Variants in CNTNAP2 observed in about 807,000 individuals in gnomAD.
The protein encoded by CNTNAP2 is contactin-associated protein-like 2.
In CNTNAP2, 98 loss-of-function variants were observed where a neutral mutation model predicts 155.2. The observed-to-expected ratio is 0.63, with a 90% CI of 0.54 to 0.75. The LOEUF is 0.75. Among genes scored for constraint, CNTNAP2 ranks in the 30% least tolerant of loss-of-function variants. The pLI is 0.00. For synonymous variants in CNTNAP2, 651 were observed against 631.2 expected (o/e 1.03, Z -0.47); for missense variants, 1,727 against 1,688.1 (o/e 1.02, Z -0.40).
At chr7:147,542,218 T>C (rs3843535) in intron 11 of CNTNAP2, among the ~76,000 whole-genome samples, 74,044 of 151,408 alleles carry the variant, frequency 0.49, 18,203 homozygotes, top group East Asian at 0.61. Context: ...ACCACACACT[T>C]CACCATTTAA....
chr7:147,453,836 T>C (rs972582172), intron 10 of CNTNAP2, among the ~76,000 whole-genome samples: 3 of 152,172 alleles, frequency 2.0e-5, no homozygotes, highest in Admixed American at 2.0e-4. Context: ...TTTTAAATGA[T>C]AAGTGGAAAT....
Position 147,418,097 on chromosome 7 carries a change from T to A in CNTNAP2, c.1670+22317T>A, listed in dbSNP as rs148578291. On this transcript the variant is annotated intron_variant, in intron 10 of 23. Transcript: ENST00000361727. ...AACAATTATATGCCAATACCCACTG[T>A]TTTACAAAGCGATGGAAAGCATAGT... Among the ~76,000 whole-genome samples the A allele has an allele frequency of 4.3e-4, 66 of 152,312 alleles. 1 individual carries two copies. The highest frequency in any genetic ancestry group is 1.3e-3 in the African/African-American group (56 of 41,568).
intron 4 of CNTNAP2, among the ~76,000 whole-genome samples, chr7:147,059,021 G>A (rs1481530160): frequency 2.0e-5 from 3 of 152,062 alleles, no homozygotes; most frequent in Non-Finnish European, 4.4e-5. Context: ...CCACTCCTTG[G>A]TGATGTGCTT....
chr7:147,901,632 T>C (rs555886307), intron 13 of CNTNAP2, among the ~76,000 whole-genome samples: 23 of 152,352 alleles, frequency 1.5e-4, no homozygotes, highest in African/African-American at 5.1e-4. Context: ...ACCTCTCTTA[T>C]GTCCTTATTG....
At chr7:146,205,216 A>G (rs928607971) in intron 1 of CNTNAP2, among the ~76,000 whole-genome samples, 1 of 151,950 alleles carries the variant, frequency 6.6e-6, no homozygotes, top group Non-Finnish European at 1.5e-5. Context: ...TTATTGTTTA[A>G]TTAAACAGAG....
rs1211083171 is a variant in CNTNAP2, at chr7:147,814,899, A to T, written c.2099-88666A>T. Reference sequence around the variant, plus strand: ...GGTAACAGCAAAGCAAAATAATTAGAACATTTTTGTTAATAATATACCTAG... The same window carrying T: ...GGTAACAGCAAAGCAAAATAATTAGTACATTTTTGTTAATAATATACCTAG... On this transcript the variant is annotated intron_variant, in intron 13 of 23. Transcript: ENST00000361727. Among the ~76,000 whole-genome samples, 3 of 152,236 alleles carry T rather than the reference A, an allele frequency of 2.0e-5. No homozygotes were observed. The East Asian group carries it at 5.8e-4, about 29-fold the overall frequency.
chr7:147,882,466 C>G (rs903130394), intron 13 of CNTNAP2, among the ~76,000 whole-genome samples: 3 of 152,162 alleles, frequency 2.0e-5, no homozygotes, highest in African/African-American at 7.2e-5. Flanking sequence ...TGCTCAGCCC[C>G]CTGCCTCTGT....
At chr7:147,797,705 C>A (rs764115460) in intron 13 of CNTNAP2, among the ~76,000 whole-genome samples, 1 of 152,096 alleles carries the variant, frequency 6.6e-6, no homozygotes, top group African/African-American at 2.4e-5. Context: ...ATTTTTAATG[C>A]ATATCCATTC....
chr7:146,433,841 T>C (rs1282866869), intron 1 of CNTNAP2, among the ~76,000 whole-genome samples: 2 of 152,160 alleles, frequency 1.3e-5, no homozygotes, highest in African/African-American at 4.8e-5. Context: ...TACACAAATG[T>C]AATCATTTTA....
chr7:146,405,655 T>C (rs1795780656), intron 1 of CNTNAP2, among the ~76,000 whole-genome samples: 2 of 152,216 alleles, frequency 1.3e-5, no homozygotes, highest in African/African-American at 4.8e-5. Context: ...GGCTAGTGAA[T>C]TTTTTGATAC....
intron 1 of CNTNAP2, among the ~76,000 whole-genome samples, chr7:146,638,069 A>C (rs535860911): frequency 7.2e-5 from 11 of 152,188 alleles, no homozygotes; most frequent in African/African-American, 2.4e-4. Context: ...GACAATTCAA[A>C]TCAGTTCTAG....
At chr7:146,465,812 T>G (rs1452368919) in intron 1 of CNTNAP2, among the ~76,000 whole-genome samples, 3 of 152,226 alleles carry the variant, frequency 2.0e-5, no homozygotes, top group Non-Finnish European at 2.9e-5. Flanking sequence ...TTGTTGTTTT[T>G]TTATATGATT....
chr7:146,931,384 C>T (rs1307553951), intron 3 of CNTNAP2, among the ~76,000 whole-genome samples: 1 of 148,724 alleles, frequency 6.7e-6, no homozygotes, highest in East Asian at 2.0e-4. Flanking sequence ...TTCTTTGAAA[C>T]CAACGAGAAC....
intron 1 of CNTNAP2, among the ~76,000 whole-genome samples, chr7:146,465,268 G>A (rs1353739801): frequency 6.6e-6 from 1 of 152,116 alleles, no homozygotes; most frequent in Non-Finnish European, 1.5e-5. Context: ...AAAAAGCAAA[G>A]ATTATGAAGT....
At chr7:146,939,765 C>G (rs1274420867) in intron 3 of CNTNAP2, among the ~76,000 whole-genome samples, 1 of 152,132 alleles carries the variant, frequency 6.6e-6, no homozygotes, top group Non-Finnish European at 1.5e-5. Flanking sequence ...TGAGCAAAGA[C>G]TTAGTGGTTT....
At chr7:147,945,689 T>TTATATATA (rs10557677) in intron 14 of CNTNAP2, among the ~76,000 whole-genome samples, 82 of 148,316 alleles carry the variant, frequency 5.5e-4, no homozygotes, top group South Asian at 1.7e-3. Context: ...ACAAAAGCCT[T>TTATATATA]TATATATATA....
intron 1 of CNTNAP2, among the ~76,000 whole-genome samples, chr7:146,351,484 A>G (rs1444965154): frequency 6.6e-6 from 1 of 152,198 alleles, no homozygotes; most frequent in Non-Finnish European, 1.5e-5. Context: ...TATTAAATTG[A>G]CATTGATTAA....
intron 2 of CNTNAP2, among the ~76,000 whole-genome samples, chr7:146,822,846 CT>C (rs1327108679): frequency 6.7e-6 from 1 of 149,256 alleles, no homozygotes; most frequent in Non-Finnish European, 1.5e-5. Flanking sequence ...TATACTCGTT[CT>C]TCAGCATATT....
intron 4 of CNTNAP2, among the ~76,000 whole-genome samples, chr7:147,088,054 A>C (rs1800318713): frequency 6.6e-6 from 1 of 152,200 alleles, no homozygotes; most frequent in Admixed American, 6.5e-5. Flanking sequence ...AACTGTTTAA[A>C]ACACAGTTTA....
Sources: allele counts gnomAD v4.1 joint callset (sites outside exome capture counted in the v4.1 genomes callset), GRCh38; gene constraint gnomAD v4.1.1; transcripts MANE v1.5; gene names NCBI Gene and HGNC (gene_info 2026-07-23, HGNC 2026-07-21).